Variants in NRP2 observed in about 807,000 individuals in gnomAD.
NRP2 encodes neuropilin 2, also known as neuropilin-2.
In NRP2, 52 loss-of-function variants were observed where a neutral mutation model predicts 110.4. The ratio of observed to expected loss-of-function variants is 0.47; its 90% CI spans 0.38 to 0.59. The LOEUF (loss-of-function observed/expected upper bound fraction) is 0.59, where lower values mean the gene tolerates loss of function less well. Among genes scored for constraint, NRP2 ranks in the 20% least tolerant of loss-of-function variants. NRP2 has a pLI of 0.00. For missense variants in NRP2, 1,049 were observed against 1,203.0 expected (o/e 0.87, Z 1.89); for synonymous variants, 508 against 468.9 (o/e 1.08, Z -1.08).
chr2:205,764,143 T>A, intron 13 of NRP2: 1 of 642,400 alleles, frequency 1.6e-6, no homozygotes, highest in South Asian at 2.0e-5. Context: ...CTGTTGCCTT[T>A]TATATTGCTG....
intron 2 of NRP2, among the ~76,000 whole-genome samples, chr2:205,704,015 ACT>A (rs1024920370): frequency 6.6e-6 from 1 of 151,612 alleles, no homozygotes; most frequent in Non-Finnish European, 1.5e-5. Flanking sequence ...GATGATGGGG[ACT>A]CTCTGCTGTC....
chr2:205,696,178 A>C (rs894009605), intron 1 of NRP2, among the ~76,000 whole-genome samples: 1 of 152,136 alleles, frequency 6.6e-6, no homozygotes, highest in South Asian at 2.1e-4. Context: ...TCTTTTATGC[A>C]TTTAAAGCCT....
chr2:205,707,097 G>A (rs1244081606), intron 2 of NRP2, among the ~76,000 whole-genome samples: 1 of 152,182 alleles, frequency 6.6e-6, no homozygotes, highest in African/African-American at 2.4e-5. Flanking sequence ...CTCTAGCCAG[G>A]AGCACCCAAC....
chr2:205,694,822 T>C (rs149365547), intron 1 of NRP2, among the ~76,000 whole-genome samples: 18 of 152,336 alleles, frequency 1.2e-4, no homozygotes, highest in Non-Finnish European at 5.9e-5. Flanking sequence ...AGAGGAGAAG[T>C]AGAATGATTA....
chr2:205,715,545 G>A (rs1302835324), intron 2 of NRP2, among the ~76,000 whole-genome samples: 3 of 152,160 alleles, frequency 2.0e-5, no homozygotes, highest in Non-Finnish European at 2.9e-5. Context: ...TGGGAACCTC[G>A]CAGAGTCATC....
At chr2:205,738,402 A>G (rs560279852) in intron 7 of NRP2, among the ~76,000 whole-genome samples, 1 of 152,344 alleles carries the variant, frequency 6.6e-6, no homozygotes, top group South Asian at 2.1e-4. Context: ...AAAGCAAAGC[A>G]AAACAAAACA....
chr2:205,693,284 T>C (rs2056351608), intron 1 of NRP2, among the ~76,000 whole-genome samples: 1 of 152,256 alleles, frequency 6.6e-6, no homozygotes, highest in South Asian at 2.1e-4. Context: ...CCTAGTCATC[T>C]GCTCTTTCTC....
chr2:205,720,762 C>A (rs1246651599), intron 3 of NRP2, among the ~76,000 whole-genome samples: 1 of 152,212 alleles, frequency 6.6e-6, no homozygotes, highest in Non-Finnish European at 1.5e-5. Flanking sequence ...CCTCAGGAGT[C>A]CGAAGCCCAA....
chr2:205,747,941 C>T (rs950044309), intron 10 of NRP2, among the ~76,000 whole-genome samples: 1 of 152,162 alleles, frequency 6.6e-6, no homozygotes, highest in Non-Finnish European at 1.5e-5. Flanking sequence ...TTCCCCTCTG[C>T]CCAGCCTCCT....
chr2:205,796,791 C>T lies in NRP2; in HGVS notation c.*1733C>T, dbSNP rs2058355821. ...TTAACGCCTAAGGATTGCCTGTGTG[C>T]TGGAAATATATTTGAAACTCAACCA... On this transcript the variant is annotated 3_prime_UTR_variant, in exon 17 of 17. Coordinates refer to ENST00000357785, the MANE Select transcript of NRP2 (RefSeq NM_003872.3). 1 of 152,616 alleles carries T rather than the reference C, an allele frequency of 6.6e-6. No individual in the cohort carries two copies. Among genetic ancestry groups the T allele is most frequent in the Non-Finnish European group, 1.5e-5 (1 of 68,032 alleles). The allele number at this position is 152,616 out of a possible 1,614,324, so 9.5% of individuals were successfully genotyped here.
At chr2:205,694,040 A>G (rs1179603011) in intron 1 of NRP2, among the ~76,000 whole-genome samples, 1 of 152,208 alleles carries the variant, frequency 6.6e-6, no homozygotes, top group Non-Finnish European at 1.5e-5. Flanking sequence ...AAAATTAAAT[A>G]TTCGCAAGGA....
chr2:205,723,282 G>A (rs901944301), intron 4 of NRP2, among the ~76,000 whole-genome samples: 3 of 152,202 alleles, frequency 2.0e-5, no homozygotes, highest in African/African-American at 7.2e-5. Context: ...GGTCTAATTA[G>A]TATTGGAGAG....
intron 13 of NRP2, chr2:205,764,339 C>T: frequency 5.0e-6 from 1 of 201,904 alleles, no homozygotes; most frequent in Non-Finnish European, 1.0e-5. Flanking sequence ...CTGTCCCAGG[C>T]AGCAAGAACA....
chr2:205,769,505 T>TACATACACAC (rs145002505), intron 15 of NRP2, among the ~76,000 whole-genome samples: 3 of 145,100 alleles, frequency 2.1e-5, no homozygotes, highest in East Asian at 4.2e-4. Flanking sequence ...TATACATACA[T>TACATACACAC]ACACACACAC....
intron 15 of NRP2, among the ~76,000 whole-genome samples, chr2:205,790,214 T>G (rs2058283391): frequency 6.6e-6 from 1 of 152,200 alleles, no homozygotes; most frequent in African/African-American, 2.4e-5. Flanking sequence ...GTCTTAGAAA[T>G]GGGCCAATTC....
intron 1 of NRP2, among the ~76,000 whole-genome samples, chr2:205,689,937 G>A (rs2056270213): frequency 6.6e-6 from 1 of 152,098 alleles, no homozygotes. Flanking sequence ...TTCCCTCTGG[G>A]TCTTCATAAA....
chr2:205,702,499 C>T (rs115461190), intron 2 of NRP2, among the ~76,000 whole-genome samples: 1,525 of 152,240 alleles, frequency 0.01, 28 homozygotes, highest in African/African-American at 0.035. Flanking sequence ...TCCCCCACAC[C>T]GTTATATTCT....
Position 205,723,829 on chromosome 2 carries a change from G to C in NRP2, c.709G>C (p.Glu237Gln). Residue 237 changes from glutamate (E) to glutamine (Q), a missense_variant, in exon 5 of 17, where the codon GAA (glutamate) becomes CAA (glutamine). Transcript: ENST00000357785. ...GTACTGTGGGACCAAAACACCCTCT[G>C]AACTTCGTTCATCGACGGGGATCCT... ...GKYCGTKTPS[E>Q]LRSSTGILSL... 6.2e-7 allele frequency: 1 copy of C among 1,614,216 alleles called. No homozygotes were observed. Among genetic ancestry groups the C allele is most frequent in the Non-Finnish European group, 8.5e-7 (1 of 1,180,040 alleles).
chr2:205,765,389 T>C (rs2057898399), intron 13 of NRP2, 85 bp from the exon 14 acceptor site: 2 of 1,093,540 alleles, frequency 1.8e-6, no homozygotes, highest in Non-Finnish European at 2.8e-6. Context: ...CGCTTTAAGC[T>C]GCAGCTAACA....
Sources: gnomAD v4.1 joint callset for allele counts (sites outside exome capture counted in the v4.1 genomes callset) on GRCh38, gnomAD v4.1.1 for gene constraint, MANE v1.5 for transcripts, NCBI Gene and HGNC (gene_info 2026-07-23, HGNC 2026-07-21) for gene names.